The following LMX1A variants were observed in gnomAD, a reference collection of about 807,000 sequenced individuals.
The protein encoded by LMX1A is LIM homeobox transcription factor 1-alpha.
LMX1A carries 15 observed loss-of-function variants against 49.1 expected under a neutral mutation model. The ratio of observed to expected loss-of-function variants is 0.31; its 90% CI spans 0.20 to 0.47. LMX1A has a LOEUF of 0.47. Among genes scored for constraint, LMX1A ranks in the 20% least tolerant of loss-of-function variants. The pLI, the probability that LMX1A is intolerant of heterozygous loss-of-function variation, is 1.00. For missense variants in LMX1A, 372 were observed against 475.8 expected, an observed-to-expected ratio of 0.78 and a Z score of 2.03; for synonymous variants, 167 against 185.7, an observed-to-expected ratio of 0.90 and a Z score of 0.82.
chr1:165,229,715 G>T (rs1343758798), intron 4 of LMX1A, among the ~76,000 whole-genome samples: 6 of 137,370 alleles, frequency 4.4e-5, no homozygotes, highest in Admixed American at 7.3e-5. Flanking sequence ...AATCAGGAGG[G>T]TTTTTTTGTT....
rs60150264 is a variant in LMX1A, at chr1:165,350,173, C to CAAAAAAAAAAAAAAAAAAAA, written c.263+2883_263+2902dup. On this transcript the variant is annotated intron_variant, in intron 3 of 8. Transcript: ENST00000342310. The stretch of plus-strand genomic sequence containing the variant: ...GGCCTCAAATTTTTCAAAGATCCAC[C>CAAAAAAAAAAAAAAAAAAAA]AAAAAAAAAAAAAAAAAAAAAAAAG... Among the ~76,000 whole-genome samples, 2 of 80,210 alleles carry CAAAAAAAAAAAAAAAAAAAA rather than the reference C, an allele frequency of 2.5e-5. 1 individual carries two copies. The allele number at this position is 80,210 out of a possible 152,430, so 52.6% of individuals were successfully genotyped here.
In LMX1A at chr1:165,355,939, G is replaced by C. The variant is rs551928631; in HGVS notation, c.-22-358C>G. ...GAAGGTGGGCCCTCGGGACGTCTCT[G>C]CAGGAACGCAGCTACTGGGGTATAT... On this transcript the variant is annotated intron_variant, in intron 1 of 8. Transcript: ENST00000342310. This position sits in a 1 kb window ranked among gnomAD's most constrained non-coding sequence, Gnocchi z 4.7. 1 of 255,426 alleles carries C rather than the reference G, an allele frequency of 3.9e-6. No homozygotes were observed. The highest frequency in any genetic ancestry group is 9.9e-5 in the East Asian group (1 of 10,150). The allele number at this position is 255,426 out of a possible 1,614,324, so 15.8% of individuals were successfully genotyped here.
chr1:165,205,389 C>G (rs1361137029), intron 8 of LMX1A, among the ~76,000 whole-genome samples: 1 of 152,150 alleles, frequency 6.6e-6, no homozygotes, highest in Non-Finnish European at 1.5e-5. Context: ...GATACTTTCA[C>G]TTTACAAGTC....
rs1317062936 is a variant in LMX1A, at chr1:165,213,685, C to T, written c.625G>A (p.Ala209Thr). Residue 209 changes from alanine to threonine, a missense_variant, in exon 5 of 9, where the codon GCA becomes ACA. This residue lies in a region of LMX1A where 46 missense variants were observed against 93.8 expected (regional missense o/e 0.49). Transcript: ENST00000342310. Reference sequence around the variant, plus strand: ...GATACTTCAAATGAGGCCTTGAATGCTCGCCTCTGTTGAGTTGTCAAGATG... The same window carrying T: ...GATACTTCAAATGAGGCCTTGAATGTTCGCCTCTGTTGAGTTGTCAAGATG... ...RTILTTQQRR[A>T]FKASFEVSSK... The T allele has an allele frequency of 3.7e-6, 6 of 1,614,112 alleles. No individual in the cohort carries two copies. In the African/African-American group the frequency reaches 6.7e-5, roughly 18 times the overall value.
intron 3 of LMX1A, among the ~76,000 whole-genome samples, chr1:165,343,137 A>G (rs1327933789): frequency 3.3e-5 from 5 of 152,230 alleles, no homozygotes; most frequent in African/African-American, 1.2e-4. Flanking sequence ...CTATGAGCCA[A>G]GCATTGATCT....
At chr1:165,248,258 C>T (rs138302238) in intron 4 of LMX1A, among the ~76,000 whole-genome samples, 2 of 152,144 alleles carry the variant, frequency 1.3e-5, no homozygotes, top group African/African-American at 2.4e-5. Context: ...TGAGACACAA[C>T]GACAGGTGCT....
intron 4 of LMX1A, among the ~76,000 whole-genome samples, chr1:165,215,380 C>T (rs1651606407): frequency 6.6e-6 from 1 of 152,224 alleles, no homozygotes; most frequent in South Asian, 2.1e-4. Flanking sequence ...ACAAGAACCT[C>T]ATTTTTCTCT....
chr1:165,355,213 G>A lies in LMX1A; in HGVS notation c.76+271C>T, dbSNP rs138577460. 4.0e-3 allele frequency among the ~76,000 whole-genome samples: 613 copies of A among 152,210 alleles called. 2 individuals carry two copies. Among genetic ancestry groups the A allele is most frequent in the Non-Finnish European group, 6.4e-3 (435 of 68,012 alleles). On this transcript the variant is annotated intron_variant, in intron 2 of 8. Coordinates refer to ENST00000342310, the MANE Select transcript of LMX1A (RefSeq NM_177398.4). This position sits in a 1 kb window ranked among gnomAD's most constrained non-coding sequence, Gnocchi z 4.7. ...CAGCCCTGGGTATTTTTAATCACTT[G>A]CCACTCAGACGCCTACGAACAAGCT...
chr1:165,294,218 C>A (rs1654553652), intron 3 of LMX1A, among the ~76,000 whole-genome samples: 1 of 152,184 alleles, frequency 6.6e-6, no homozygotes, highest in African/African-American at 2.4e-5. Flanking sequence ...ACTTAGGACA[C>A]AAGCCTAGAT....
intron 3 of LMX1A, among the ~76,000 whole-genome samples, chr1:165,334,032 A>G (rs1346507870): frequency 6.6e-6 from 1 of 152,226 alleles, no homozygotes; most frequent in African/African-American, 2.4e-5. Flanking sequence ...AAGCTAAGGA[A>G]ACTTAAACAC....
At chr1:165,329,775 C>A (rs1048525798) in intron 3 of LMX1A, among the ~76,000 whole-genome samples, 1 of 152,070 alleles carries the variant, frequency 6.6e-6, no homozygotes, top group Admixed American at 6.5e-5. Flanking sequence ...CTCAAAAAAT[C>A]AAAAACTGTG....
At chr1:165,263,655 C>G (rs1473359025) in intron 3 of LMX1A, among the ~76,000 whole-genome samples, 1 of 152,240 alleles carries the variant, frequency 6.6e-6, no homozygotes, top group East Asian at 1.9e-4. Context: ...GAGCACAACA[C>G]TCAGGGTTAT....
intron 8 of LMX1A, 152 bp from the exon 9 acceptor site, chr1:165,204,192 A>T: frequency 1.3e-6 from 1 of 744,602 alleles, no homozygotes; most frequent in Non-Finnish European, 2.2e-6. Context: ...AGGGGGCTCA[A>T]GTCCAAAGTG....
chr1:165,335,617 C>A (rs946929931), intron 3 of LMX1A, among the ~76,000 whole-genome samples: 1 of 152,066 alleles, frequency 6.6e-6, no homozygotes, highest in Non-Finnish European at 1.5e-5. Context: ...TCACAATTAG[C>A]AAAGAAAGGT....
chr1:165,348,294 G>T (rs1011433022), intron 3 of LMX1A, among the ~76,000 whole-genome samples: 7 of 152,074 alleles, frequency 4.6e-5, no homozygotes, highest in Admixed American at 3.3e-4. Context: ...ATCTACTCCT[G>T]CTATCTAATT....
intron 8 of LMX1A, 68 bp from the exon 9 acceptor site, chr1:165,204,108 C>T: frequency 6.6e-7 from 1 of 1,524,776 alleles, no homozygotes; most frequent in Non-Finnish European, 9.0e-7. Flanking sequence ...CTAGGATATT[C>T]AGCTGAATTC....
intron 3 of LMX1A, among the ~76,000 whole-genome samples, chr1:165,280,676 T>C (rs563611680): frequency 3.4e-4 from 52 of 152,312 alleles, no homozygotes; most frequent in Middle Eastern, 6.8e-3. Flanking sequence ...TAGGCATGCA[T>C]TTGTGGTTTA....
At chr1:165,229,379 C>T (rs931849996) in intron 4 of LMX1A, among the ~76,000 whole-genome samples, 1 of 152,038 alleles carries the variant, frequency 6.6e-6, no homozygotes, top group African/African-American at 2.4e-5. Context: ...TATAGATGGC[C>T]CCCCCGTCAC....
At chr1:165,233,220 T>C (rs1467252104) in intron 4 of LMX1A, among the ~76,000 whole-genome samples, 2 of 152,176 alleles carry the variant, frequency 1.3e-5, no homozygotes, top group Admixed American at 6.5e-5. Flanking sequence ...TATGGAAGGC[T>C]AAGGTGAGTG....
Sources: gnomAD v4.1 joint callset for allele counts (sites outside exome capture counted in the v4.1 genomes callset) on GRCh38, gnomAD v4.1.1 for gene constraint, gnomAD v4.1.1 regional missense constraint, Gnocchi (gnomAD v3.1) non-coding constraint, MANE v1.5 for transcripts, NCBI Gene and HGNC (gene_info 2026-07-23, HGNC 2026-07-21) for gene names.